The following ABCB7 variants were observed in gnomAD, a reference collection of about 807,000 sequenced individuals.
ABCB7 encodes the protein ATP binding cassette subfamily B member 7.
In ABCB7, 7 loss-of-function variants were observed where a neutral mutation model predicts 54.4. That is an observed-to-expected ratio of 0.13 (90% CI 0.07 to 0.24). The LOEUF (loss-of-function observed/expected upper bound fraction) is 0.24. Ranked by LOEUF, ABCB7 falls within the 10% of genes least tolerant of loss-of-function variation. ABCB7 has a pLI of 1.00. For synonymous variants in ABCB7, 218 were observed against 207.1 expected (o/e 1.05, Z -0.45); for missense variants, 356 against 570.4 (o/e 0.62, Z 3.83).
intron 5 of ABCB7, 120 bp downstream of exon 5, chrX:75,076,402 A>G (rs1377547603): frequency 1.3e-5 from 12 of 946,449 alleles, no homozygotes; most frequent in African/African-American, 1.9e-5. Flanking sequence ...ATCTCACATA[A>G]AACAACAAAC....
At chrX:75,067,616 C>G (rs2081331089) in intron 12 of ABCB7, among the ~76,000 whole-genome samples, 1 of 110,957 alleles carries the variant, frequency 9.0e-6, no homozygotes, top group South Asian at 3.9e-4. Flanking sequence ...TCCCAAGTAG[C>G]TAGGATTACA....
chrX:75,057,529 T>C (rs2081250807), intron 15 of ABCB7, among the ~76,000 whole-genome samples: 1 of 110,514 alleles, frequency 9.0e-6, no homozygotes, highest in African/African-American at 3.3e-5. Flanking sequence ...GTCCTTATTT[T>C]AGAAATACTG....
At chrX:75,094,172 C>T (rs1436421547) in intron 4 of ABCB7, among the ~76,000 whole-genome samples, 2 of 107,807 alleles carry the variant, frequency 1.9e-5, no homozygotes, top group Admixed American at 2.0e-4. Context: ...ATAAATCACT[C>T]TCCCTTGAAA....
chrX:75,148,151 A>G (rs758099660), intron 1 of ABCB7, among the ~76,000 whole-genome samples: 1 of 111,706 alleles, frequency 9.0e-6, no homozygotes, highest in South Asian at 3.7e-4. Flanking sequence ...CAAATAAAAT[A>G]AAAGTTACAG....
chrX:75,116,083 C>T (rs1380887012), intron 1 of ABCB7, among the ~76,000 whole-genome samples: 2 of 111,726 alleles, frequency 1.8e-5, no homozygotes, highest in Non-Finnish European at 3.8e-5. Context: ...AGAGAATCTC[C>T]TTCCCTTATT....
At chrX:75,103,786 T>G (rs1051006520) in intron 3 of ABCB7, among the ~76,000 whole-genome samples, 13 of 110,665 alleles carry the variant, frequency 1.2e-4, no homozygotes, top group Non-Finnish European at 7.6e-5. Flanking sequence ...CATTGGTGTA[T>G]AGAAAGACTA....
chrX:75,110,561 TGTGTCCA>T (rs1569235566), intron 3 of ABCB7, among the ~76,000 whole-genome samples: 1 of 112,283 alleles, frequency 8.9e-6, no homozygotes, highest in Non-Finnish European at 1.9e-5. Flanking sequence ...AGCTTCTGAC[TGTGTCCA>T]ATCAATAAGA....
chrX:75,061,612 C>G (rs111972464), intron 14 of ABCB7, among the ~76,000 whole-genome samples: 15,093 of 111,320 alleles, frequency 0.14, 2,558 homozygotes, highest in African/African-American at 0.47. Context: ...TCAACACTAG[C>G]TTTATACTAT....
At position 75,151,827 on chromosome X, in the gene ABCB7, A is replaced by G. The variant is rs985877984; in HGVS notation, c.168+4278T>C. On this transcript the variant is annotated intron_variant, in intron 1 of 15. Coordinates refer to ENST00000373394, the MANE Select transcript of ABCB7 (RefSeq NM_001271696.3). ...GTCCTGGTCCAGTGTTCATCCCACA[A>G]TACCAAGTTATGCCCTTTGCACACC... 3.6e-5 allele frequency among the ~76,000 whole-genome samples: 4 copies of G among 112,193 alleles called. No individual in the cohort carries two copies. The East Asian group carries it at 1.1e-3, about 31-fold the overall frequency.
At chrX:75,115,683 C>T (rs1253078225) in intron 1 of ABCB7, among the ~76,000 whole-genome samples, 2 of 108,125 alleles carry the variant, frequency 1.8e-5, no homozygotes, top group Non-Finnish European at 3.8e-5. Context: ...AAGTAAAATG[C>T]TACTAAGTCC....
rs376793078 is a variant in ABCB7, at chrX:75,066,276, C to T, written c.1660-1035G>A. On this transcript the variant is annotated intron_variant, in intron 12 of 15. Coordinates refer to ENST00000373394, the MANE Select transcript of ABCB7 (RefSeq NM_001271696.3). ...TCACATTAACCAGGATACCCATCTT[C>T]TTTAACATCATAATCAGACCAAAAA... 3.4e-4 allele frequency among the ~76,000 whole-genome samples: 38 copies of T among 111,153 alleles called. No homozygotes were observed. The East Asian group carries it at 5.4e-3, about 16-fold the overall frequency.
intron 4 of ABCB7, among the ~76,000 whole-genome samples, chrX:75,098,732 C>A (rs1387363271): frequency 9.0e-6 from 1 of 111,437 alleles, no homozygotes; most frequent in Non-Finnish European, 1.9e-5. Flanking sequence ...GGAGTGAATT[C>A]CACTAATTCT....
At chrX:75,127,229 C>A (rs1602399152) in intron 1 of ABCB7, among the ~76,000 whole-genome samples, 1 of 111,296 alleles carries the variant, frequency 9.0e-6, no homozygotes, top group Admixed American at 9.6e-5. Context: ...TTGGCTTCAC[C>A]CCTGGGATGC....
chrX:75,071,433 C>T, intron 9 of ABCB7, 76 bp downstream of exon 9: 1 of 1,071,504 alleles, frequency 9.3e-7, no homozygotes, highest in South Asian at 1.9e-5. Flanking sequence ...TTAAGATAAG[C>T]ATGCACATTC....
intron 3 of ABCB7, 24 bp downstream of exon 3, chrX:75,112,862 C>A: frequency 3.5e-6 from 4 of 1,147,377 alleles, no homozygotes; most frequent in Non-Finnish European, 4.8e-6. Context: ...CAAGAATTTC[C>A]AGTTACTTGT....
At chrX:75,077,105 G>C (rs1006426936) in intron 4 of ABCB7, among the ~76,000 whole-genome samples, 1 of 111,584 alleles carries the variant, frequency 9.0e-6, no homozygotes, top group African/African-American at 3.3e-5. Flanking sequence ...TTATACAGTA[G>C]GCATTCAATA....
intron 2 of ABCB7, 148 bp downstream of exon 2, chrX:75,114,606 G>A: frequency 2.4e-6 from 1 of 415,060 alleles, no homozygotes; most frequent in Non-Finnish European, 4.0e-6. Context: ...TGCATTTCCA[G>A]AAGCAGAAAC....
At chrX:75,120,603 AAAAT>A (rs569345456) in intron 1 of ABCB7, among the ~76,000 whole-genome samples, 5 of 108,922 alleles carry the variant, frequency 4.6e-5, no homozygotes, top group African/African-American at 1.3e-4. Flanking sequence ...CTTCATCTCA[AAAAT>A]AAATAAATAA....
Position 75,053,498 on chromosome X carries a change from G to A in ABCB7, c.2131C>T (p.Arg711Cys), listed in dbSNP as rs2081211676. ...YSEMWHTQSS[R>C]VQNHDNPKWE... ...TTGGGGTTATCATGGTTCTGCACACGGCTGCTCTGTGTATGCCACATTTCT... is the reference window on the plus strand; with the variant it reads ...TTGGGGTTATCATGGTTCTGCACACAGCTGCTCTGTGTATGCCACATTTCT... Residue 711 changes from arginine to cysteine, a missense_variant, in exon 16 of 16, where the codon CGT becomes TGT. Transcript: ENST00000373394. 3 of 1,209,081 alleles carry A rather than the reference G, an allele frequency of 2.5e-6. No individual in the cohort carries two copies. Among genetic ancestry groups the A allele is most frequent in the South Asian group, 1.8e-5 (1 of 56,693 alleles).
Sources: gnomAD v4.1 joint callset for allele counts (sites outside exome capture counted in the v4.1 genomes callset) on GRCh38, gnomAD v4.1.1 for gene constraint, MANE v1.5 for transcripts, NCBI Gene and HGNC (gene_info 2026-07-23, HGNC 2026-07-21) for gene names.